The following PLCH1 variants were observed in gnomAD, a reference collection of about 807,000 sequenced individuals.
PLCH1 encodes phospholipase C eta 1.
A neutral mutation model predicts 126.7 loss-of-function variants in PLCH1; 60 were observed. The ratio of observed to expected loss-of-function variants is 0.47; its 90% CI spans 0.38 to 0.59. The LOEUF is 0.59. PLCH1 is among the 20% of genes least tolerant of loss of function. The pLI is 0.00. For synonymous variants in PLCH1, 719 were observed against 734.9 expected, an observed-to-expected ratio of 0.98 and a Z score of 0.35; for missense variants, 1,723 against 2,040.0, an observed-to-expected ratio of 0.84 and a Z score of 2.99.
At chr3:155,512,183 TGAGGC>T (rs1719668451) in intron 12 of PLCH1, among the ~76,000 whole-genome samples, 1 of 152,088 alleles carries the variant, frequency 6.6e-6, no homozygotes, top group Admixed American at 6.5e-5. Context: ...GCTTCCCAGG[TGAGGC>T]AATGCCTCGC....
intron 2 of PLCH1, among the ~76,000 whole-genome samples, chr3:155,633,969 T>C (rs1443707533): frequency 6.6e-6 from 1 of 152,150 alleles, no homozygotes; most frequent in African/African-American, 2.4e-5. Flanking sequence ...TCCATCTTTT[T>C]TTTTAACTTA....
At chr3:155,545,667 G>C (rs1421197545) in intron 10 of PLCH1, among the ~76,000 whole-genome samples, 1 of 152,092 alleles carries the variant, frequency 6.6e-6, no homozygotes, top group African/African-American at 2.4e-5. Context: ...GAATCCAGCA[G>C]CACATCAAAA....
chr3:155,658,447 A>C (rs1250001078), intron 2 of PLCH1: 1 of 160,360 alleles, frequency 6.2e-6, no homozygotes, highest in African/African-American at 2.4e-5. Context: ...GGAAGCCCAG[A>C]CACGGGAAGG....
chr3:155,477,297 T>G (rs576982371), downstream of PLCH1, among the ~76,000 whole-genome samples: 5 of 152,100 alleles, frequency 3.3e-5, no homozygotes, highest in African/African-American at 4.8e-5. Flanking sequence ...ATAAAATGAC[T>G]ACAAGAAAAT....
At chr3:155,462,475 C>T (rs1388954030) in intron 21 of PLCH1, among the ~76,000 whole-genome samples, 1 of 152,136 alleles carries the variant, frequency 6.6e-6, no homozygotes, top group Non-Finnish European at 1.5e-5. Context: ...TTGATTTGCC[C>T]ATCTTTAAAT....
chr3:155,721,802 C>T (rs758155658), intron 1 of PLCH1, among the ~76,000 whole-genome samples: 3 of 152,164 alleles, frequency 2.0e-5, no homozygotes, highest in East Asian at 1.9e-4. Flanking sequence ...AATCCCAGCA[C>T]TTTGGGAAGC....
chr3:155,715,752 A>T (rs1218518698), intron 1 of PLCH1, among the ~76,000 whole-genome samples: 1 of 151,760 alleles, frequency 6.6e-6, no homozygotes, highest in Non-Finnish European at 1.5e-5. Flanking sequence ...AACTAGAACT[A>T]CAGGTGTACA....
rs35964197 is a variant in PLCH1, at chr3:155,592,495, C to CA, written c.470+1445dup. Among the ~76,000 whole-genome samples the CA allele has an allele frequency of 8.9e-4, 121 of 135,900 alleles. 1 individual carries two copies. The highest frequency in any genetic ancestry group is 1.8e-3 in the East Asian group (8 of 4,472). 89.2% of individuals were successfully genotyped at this position (135,900 alleles called of 152,430 possible). On this transcript the variant is annotated intron_variant, in intron 4 of 22. Transcript: ENST00000460012. ...GGACGACAGAGCAAGACTCCATCTC[C>CA]AAAAAAAAAAAAAAAATTGTGAGAA... is the stretch of plus-strand genomic sequence containing the variant.
At chr3:155,692,654 T>G (rs1745482542) in intron 2 of PLCH1, among the ~76,000 whole-genome samples, 2 of 152,212 alleles carry the variant, frequency 1.3e-5, no homozygotes, top group Admixed American at 1.3e-4. Flanking sequence ...ACCTTGCTTT[T>G]CCTACTCTCT....
intron 2 of PLCH1, among the ~76,000 whole-genome samples, chr3:155,652,546 A>G (rs1268606284): frequency 1.3e-5 from 2 of 152,180 alleles, no homozygotes; most frequent in Non-Finnish European, 2.9e-5. Flanking sequence ...TGAACATAGC[A>G]CTACATTTTC....
chr3:155,637,704 A>G (rs1253632003), intron 2 of PLCH1, among the ~76,000 whole-genome samples: 2 of 152,206 alleles, frequency 1.3e-5, no homozygotes, highest in Admixed American at 6.5e-5. Flanking sequence ...AGATTAGGAA[A>G]TGACCTTAGC....
chr3:155,639,456 G>T (rs1739138184), intron 2 of PLCH1, among the ~76,000 whole-genome samples: 1 of 152,038 alleles, frequency 6.6e-6, no homozygotes, highest in East Asian at 1.9e-4. Flanking sequence ...GCAAAACCCT[G>T]TCTCAAAAAA....
At chr3:155,624,640 C>T (rs139880074) in intron 2 of PLCH1, among the ~76,000 whole-genome samples, 4,500 of 152,216 alleles carry the variant, frequency 0.03, 86 homozygotes, top group African/African-American at 0.05. Flanking sequence ...CTCCCATTCA[C>T]AATTGCTACA....
At chr3:155,477,239 C>T (rs889232596), downstream of PLCH1, among the ~76,000 whole-genome samples, 1 of 151,970 alleles carries the variant, frequency 6.6e-6, no homozygotes, top group South Asian at 2.1e-4. Context: ...TCGCCATATA[C>T]AAAAATCAAA....
In PLCH1 at chr3:155,602,471, C is replaced by T. The variant is rs557741560; in HGVS notation, c.80-6093G>A. The stretch of plus-strand genomic sequence containing the variant: ...AAACAGAAAGTAACACAGTCCTGCA[C>T]CTCTTAAGGGTGAGGATACATTCTG... On this transcript the variant is annotated intron_variant, in intron 2 of 22. Coordinates refer to ENST00000460012, the MANE Select transcript of PLCH1 (RefSeq NM_014996.4). Among the ~76,000 whole-genome samples, 57 of 152,222 alleles carry T rather than the reference C, an allele frequency of 3.7e-4. No homozygotes were observed. The East Asian group carries it at 0.01, about 27-fold the overall frequency.
chr3:155,542,771 C>T (rs555172941), intron 10 of PLCH1, among the ~76,000 whole-genome samples: 1 of 152,320 alleles, frequency 6.6e-6, no homozygotes, highest in East Asian at 1.9e-4. Flanking sequence ...GGTACCCAGG[C>T]AAACAGGGTC....
intron 10 of PLCH1, among the ~76,000 whole-genome samples, chr3:155,548,323 A>G (rs1253065428): frequency 1.3e-5 from 2 of 152,202 alleles, no homozygotes; most frequent in Non-Finnish European, 2.9e-5. Context: ...CTTAATGTCT[A>G]AACAACATTA....
intron 6 of PLCH1, among the ~76,000 whole-genome samples, chr3:155,575,275 A>G (rs1729770496): frequency 6.6e-6 from 1 of 152,234 alleles, no homozygotes; most frequent in African/African-American, 2.4e-5. Context: ...AGAGACTATA[A>G]TTATTTCTCA....
chr3:155,471,083 C>T (rs1474032564), intron 21 of PLCH1, among the ~76,000 whole-genome samples: 1 of 151,690 alleles, frequency 6.6e-6, no homozygotes, highest in Non-Finnish European at 1.5e-5. Flanking sequence ...ACAATATTAA[C>T]TTTAAATATA....
Sources: gnomAD v4.1 joint callset for allele counts (sites outside exome capture counted in the v4.1 genomes callset) on GRCh38, gnomAD v4.1.1 for gene constraint, MANE v1.5 for transcripts, NCBI Gene and HGNC (gene_info 2026-07-23, HGNC 2026-07-21) for gene names.